The following DOCK3 variants were observed in gnomAD, a reference collection of about 807,000 sequenced individuals.
The protein encoded by DOCK3 is dedicator of cytokinesis protein 3.
Under a neutral mutation model 265.6 loss-of-function variants are expected in DOCK3, and 60 were observed. The ratio of observed to expected loss-of-function variants is 0.23; its 90% confidence interval spans 0.18 to 0.28. The LOEUF (loss-of-function observed/expected upper bound fraction) is 0.28, where lower values mean the gene tolerates loss of function less well. Ranked by LOEUF, DOCK3 falls within the 10% of genes least tolerant of loss-of-function variation. The pLI is 1.00. For missense variants in DOCK3, 1,981 were observed against 2,594.3 expected (o/e 0.76, Z 5.14); for synonymous variants, 881 against 938.0 (o/e 0.94, Z 1.11).
intron 5 of DOCK3, among the ~76,000 whole-genome samples, chr3:51,033,680 G>A (rs369468067): frequency 2.0e-5 from 3 of 152,088 alleles, no homozygotes; most frequent in East Asian, 1.9e-4. Context: ...TTGAGATATC[G>A]GTGGTGTTGG....
intron 12 of DOCK3, among the ~76,000 whole-genome samples, chr3:51,188,268 A>G (rs1444513264): frequency 6.6e-6 from 1 of 152,250 alleles, no homozygotes; most frequent in Non-Finnish European, 1.5e-5. Context: ...TTTATTAAAT[A>G]TGCTAAACAT....
chr3:50,766,205 G>A (rs541684492), intron 1 of DOCK3, among the ~76,000 whole-genome samples: 1 of 151,892 alleles, frequency 6.6e-6, no homozygotes, highest in Non-Finnish European at 1.5e-5. Context: ...CATGTGCCAT[G>A]TTGGTGTGCT....
At chr3:51,351,967 G>A (rs144140796) in intron 40 of DOCK3, among the ~76,000 whole-genome samples, 2 of 152,276 alleles carry the variant, frequency 1.3e-5, no homozygotes, top group East Asian at 1.9e-4. Flanking sequence ...AGGAATGAGT[G>A]GAGAGACTTT....
chr3:51,247,264 G>A (rs1260976933), intron 22 of DOCK3, among the ~76,000 whole-genome samples: 1 of 152,216 alleles, frequency 6.6e-6, no homozygotes, highest in Non-Finnish European at 1.5e-5. Context: ...CAGAAGAAGG[G>A]AATCTTAAAA....
At chr3:51,269,146 T>C (rs191783206) in intron 23 of DOCK3, among the ~76,000 whole-genome samples, 4 of 147,834 alleles carry the variant, frequency 2.7e-5, no homozygotes, top group Admixed American at 1.4e-4. Flanking sequence ...TCTATATATA[T>C]ATATTTATTT....
At chr3:51,102,459 A>G (rs1329933671) in intron 9 of DOCK3, among the ~76,000 whole-genome samples, 1 of 152,216 alleles carries the variant, frequency 6.6e-6, no homozygotes, top group Non-Finnish European at 1.5e-5. Context: ...AGTCTGGATC[A>G]GTATATCAGG....
rs530055889 is a variant in DOCK3 at position 50,985,405 on chromosome 3, A to T, written c.315+51328A>T. 2.0e-5 allele frequency among the ~76,000 whole-genome samples: 3 copies of T among 152,252 alleles called. No individual in the cohort carries two copies. The East Asian group carries it at 5.8e-4, about 29-fold the overall frequency. On this transcript the variant is annotated intron_variant, in intron 5 of 52. Transcript: ENST00000266037. ...TAAATGCCTATGGATATGTCATGTG[A>T]ATCTAATTTTTTCTTCCTGTATCCT...
intron 38 of DOCK3, among the ~76,000 whole-genome samples, chr3:51,342,033 A>C (rs375063444): frequency 6.6e-6 from 1 of 152,330 alleles, no homozygotes; most frequent in East Asian, 1.9e-4. Flanking sequence ...CTTGTGCTGG[A>C]AAAACTTGTT....
At chr3:50,924,777 A>G (rs955706805) in intron 4 of DOCK3, among the ~76,000 whole-genome samples, 2 of 152,220 alleles carry the variant, frequency 1.3e-5, no homozygotes, top group Non-Finnish European at 1.5e-5. Flanking sequence ...GAGCTCCTCT[A>G]TAGCTGCTAT....
At chr3:51,136,609 G>A (rs1193799010) in intron 9 of DOCK3, among the ~76,000 whole-genome samples, 1 of 152,048 alleles carries the variant, frequency 6.6e-6, no homozygotes, top group Non-Finnish European at 1.5e-5. Flanking sequence ...GTGTGTCTCT[G>A]TTCCACCAGA....
chr3:51,229,162 A>T (rs1226140252), intron 18 of DOCK3, among the ~76,000 whole-genome samples: 2 of 152,068 alleles, frequency 1.3e-5, no homozygotes, highest in South Asian at 4.1e-4. Flanking sequence ...TAGAATAGCC[A>T]GGGTTTGGCC....
intron 12 of DOCK3, among the ~76,000 whole-genome samples, chr3:51,203,124 C>T (rs1172954907): frequency 6.6e-6 from 1 of 152,274 alleles, no homozygotes; most frequent in East Asian, 1.9e-4. Context: ...GGGATGCCCT[C>T]TCTCACCACT....
chr3:51,222,108 G>A (rs963729984), intron 14 of DOCK3, among the ~76,000 whole-genome samples: 7 of 152,164 alleles, frequency 4.6e-5, no homozygotes, highest in Non-Finnish European at 1.0e-4. Context: ...CAGGTGGTTC[G>A]AATACAATCA....
intron 1 of DOCK3, among the ~76,000 whole-genome samples, chr3:50,731,279 G>A (rs192943852): frequency 5.3e-5 from 8 of 152,288 alleles, no homozygotes; most frequent in Admixed American, 5.2e-4. Flanking sequence ...CAACTCAGGA[G>A]TAAATCAGGT....
At chr3:51,228,979 T>G (rs941535728) in intron 18 of DOCK3, 147 bp downstream of exon 18, 2 of 1,054,632 alleles carry the variant, frequency 1.9e-6, no homozygotes, top group Non-Finnish European at 2.7e-6. Context: ...AAGCGATCAC[T>G]CAGCAATAGC....
At position 50,974,986 on chromosome 3, in the gene DOCK3, A is replaced by C. The variant is rs1252626300; in HGVS notation, c.315+40909A>C. ...GAATGCTTGTGATTTTTGTACATTG[A>C]TTTTGTATCCTGAGACTTTGCTGAA... On this transcript the variant is annotated intron_variant, in intron 5 of 52. Coordinates refer to ENST00000266037, the MANE Select transcript of DOCK3 (RefSeq NM_004947.5). 2.7e-5 allele frequency among the ~76,000 whole-genome samples: 4 copies of C among 148,922 alleles called. No homozygotes were observed. In the South Asian group the frequency reaches 6.6e-4, roughly 24 times the overall value.
In DOCK3 at chr3:50,675,219, T is replaced by A; in HGVS notation, c.-45T>A. 8.9e-7 allele frequency: 1 copy of A among 1,123,864 alleles called. No individual in the cohort carries two copies. The highest frequency in any genetic ancestry group is 1.1e-6 in the Non-Finnish European group (1 of 913,980). 69.6% of individuals were successfully genotyped at this position (1,123,864 alleles called of 1,614,324 possible). A position where few individuals can be genotyped will look rare whatever the true frequency, so the allele number is the denominator to read the frequency against. ...CGGGCCCGCGGCCGTCCCCGCCGCG[T>A]TGTCGCCCGGTCGCCGCGCCCGCGG... On this transcript the variant is annotated 5_prime_UTR_variant, in exon 1 of 53. In the 5' UTR this introduces an upstream ATG that the reference lacks. Transcript: ENST00000266037. The surrounding 1 kb of genome is among the most constrained non-coding windows in gnomAD (Gnocchi z 6.1).
chr3:51,246,432 C>T (rs1576520021), intron 21 of DOCK3, among the ~76,000 whole-genome samples: 1 of 151,852 alleles, frequency 6.6e-6, no homozygotes, highest in African/African-American at 2.4e-5. Flanking sequence ...TAAGGTTTCG[C>T]CATGTTCCCC....
intron 51 of DOCK3, among the ~76,000 whole-genome samples, chr3:51,376,280 T>C (rs938728515): frequency 1.3e-5 from 2 of 152,128 alleles, no homozygotes; most frequent in Admixed American, 1.3e-4. Flanking sequence ...GGGAAAGACA[T>C]GCTATTTCCC....
Sources: allele counts gnomAD v4.1 joint callset (sites outside exome capture counted in the v4.1 genomes callset), GRCh38; gene constraint gnomAD v4.1.1; non-coding constraint Gnocchi (gnomAD v3.1); transcripts MANE v1.5; gene names NCBI Gene and HGNC (gene_info 2026-07-23, HGNC 2026-07-21).